The following KLHL29 variants were observed in gnomAD, a reference collection of about 807,000 sequenced individuals.
The protein encoded by KLHL29 is kelch like family member 29.
In KLHL29, 21 loss-of-function variants were observed where a neutral mutation model predicts 80.4. The observed-to-expected ratio is 0.26, with a 90% CI of 0.19 to 0.38. The LOEUF (loss-of-function observed/expected upper bound fraction) is 0.38, where lower values mean the gene tolerates loss of function less well. Among genes scored for constraint, KLHL29 ranks in the 10% least tolerant of loss-of-function variants. The pLI is 1.00. For synonymous variants in KLHL29, 511 were observed against 526.8 expected, an observed-to-expected ratio of 0.97 and a Z score of 0.41; for missense variants, 867 against 1,223.9, an observed-to-expected ratio of 0.71 and a Z score of 4.35.
At position 23,558,453 on chromosome 2, in the gene KLHL29, G is replaced by A. The variant is rs567299999; in HGVS notation, c.-45-3699G>A. On this transcript the variant is annotated intron_variant, in intron 2 of 13. Transcript: ENST00000486442. ...GTCTCACTCTGTCACCCAGGCTGGC[G>A]TGCAGTGGCACGATCTCGGCTTACT... 5.0e-5 allele frequency among the ~76,000 whole-genome samples: 7 copies of A among 139,768 alleles called. 1 individual carries two copies. The South Asian group carries it at 6.7e-4, about 13-fold the overall frequency. 91.7% of individuals were successfully genotyped at this position (139,768 alleles called of 152,430 possible).
Position 23,469,864 on chromosome 2 carries a change from T to C in KLHL29, c.-153-5696T>C, listed in dbSNP as rs1664447647. ...CTTCTTTTTCTTCATCTTGTGGAAA[T>C]GCAAGGGTCATTCCGGTTCTGCTTC... is the stretch of plus-strand genomic sequence containing the variant. On this transcript the variant is annotated intron_variant, in intron 1 of 13. Transcript: ENST00000486442. Among the ~76,000 whole-genome samples, 3 of 152,000 alleles carry C rather than the reference T, an allele frequency of 2.0e-5. No individual in the cohort carries two copies. The South Asian group carries it at 6.2e-4, about 32-fold the overall frequency.
intron 5 of KLHL29, among the ~76,000 whole-genome samples, chr2:23,645,456 T>G (rs1028675004): frequency 6.6e-6 from 1 of 151,864 alleles, no homozygotes; most frequent in Non-Finnish European, 1.5e-5. Flanking sequence ...GAACTCCACT[T>G]TAGAAAAAAA....
chr2:23,530,486 G>A (rs1572381665), intron 2 of KLHL29, among the ~76,000 whole-genome samples: 1 of 152,306 alleles, frequency 6.6e-6, no homozygotes, highest in East Asian at 1.9e-4. Flanking sequence ...CCCTCCCCCA[G>A]CTGTACTGTT....
At chr2:23,677,307 G>A (rs1342079962) in intron 5 of KLHL29, among the ~76,000 whole-genome samples, 1 of 152,204 alleles carries the variant, frequency 6.6e-6, no homozygotes, top group Non-Finnish European at 1.5e-5. Flanking sequence ...GGAAACAGCA[G>A]GCTAGTGGGT....
At chr2:23,597,341 GTGTGTA>G (rs1242068840) in intron 3 of KLHL29, among the ~76,000 whole-genome samples, 32 of 133,780 alleles carry the variant, frequency 2.4e-4, no homozygotes, top group African/African-American at 9.5e-4. Flanking sequence ...GTGTGTGTGT[GTGTGTA>G]TGTATATGTG....
intron 1 of KLHL29, among the ~76,000 whole-genome samples, chr2:23,440,351 A>G (rs1030812547): frequency 6.6e-6 from 1 of 151,724 alleles, no homozygotes; most frequent in Non-Finnish European, 1.5e-5. Flanking sequence ...AGACTTAAAC[A>G]TTAGACCTAA....
intron 1 of KLHL29, among the ~76,000 whole-genome samples, chr2:23,462,405 A>G (rs1329415079): frequency 6.6e-6 from 1 of 152,158 alleles, no homozygotes; most frequent in Non-Finnish European, 1.5e-5. Flanking sequence ...GTGAGTTCAC[A>G]GCCCCAAATG....
intron 2 of KLHL29, among the ~76,000 whole-genome samples, chr2:23,494,811 T>C (rs535474003): frequency 6.6e-6 from 1 of 152,326 alleles, no homozygotes; most frequent in South Asian, 2.1e-4. Flanking sequence ...CTCCCTGCTT[T>C]CCGGGCTCCT....
chr2:23,461,865 C>T (rs1260241467), intron 1 of KLHL29, among the ~76,000 whole-genome samples: 1 of 151,788 alleles, frequency 6.6e-6, no homozygotes, highest in African/African-American at 2.4e-5. Flanking sequence ...GCATTAGGAG[C>T]CCTAATGAGA....
intron 2 of KLHL29, among the ~76,000 whole-genome samples, chr2:23,478,006 G>C (rs1450446727): frequency 6.6e-6 from 1 of 152,120 alleles, no homozygotes; most frequent in South Asian, 2.1e-4. Flanking sequence ...CTTTAGGATG[G>C]GGAGGGACTT....
At chr2:23,428,104 A>T (rs1663055074) in intron 1 of KLHL29, among the ~76,000 whole-genome samples, 1 of 152,230 alleles carries the variant, frequency 6.6e-6, no homozygotes, top group African/African-American at 2.4e-5. Context: ...ATCACTGCTA[A>T]CGGATTAATG....
intron 2 of KLHL29, among the ~76,000 whole-genome samples, chr2:23,558,461 G>C (rs998378864): frequency 2.6e-5 from 4 of 151,364 alleles, no homozygotes; most frequent in African/African-American, 9.7e-5. Flanking sequence ...GCGTGCAGTG[G>C]CACGATCTCG....
At chr2:23,690,051 G>GC (rs1336871870) in intron 6 of KLHL29, 1 of 152,274 alleles carries the variant, frequency 6.6e-6, no homozygotes. Context: ...TGTGGGGAGG[G>GC]CCTACTGTGG....
chr2:23,405,497 G>A (rs1289046445), intron 1 of KLHL29, among the ~76,000 whole-genome samples: 1 of 152,186 alleles, frequency 6.6e-6, no homozygotes, highest in African/African-American at 2.4e-5. Context: ...CATTATCTGA[G>A]GTTTTCTCCT....
At chr2:23,574,044 A>C (rs931462502) in intron 3 of KLHL29, among the ~76,000 whole-genome samples, 1 of 151,960 alleles carries the variant, frequency 6.6e-6, no homozygotes, top group African/African-American at 2.4e-5. Flanking sequence ...TTCTTGGTGG[A>C]TTTGAACCTG....
intron 1 of KLHL29, among the ~76,000 whole-genome samples, chr2:23,425,971 A>G (rs1431076528): frequency 6.6e-6 from 1 of 152,154 alleles, no homozygotes; most frequent in Non-Finnish European, 1.5e-5. Context: ...CCAGGCTCCC[A>G]TGTGTGCATT....
chr2:23,421,889 G>A (rs1280895287), intron 1 of KLHL29, among the ~76,000 whole-genome samples: 1 of 151,974 alleles, frequency 6.6e-6, no homozygotes, highest in African/African-American at 2.4e-5. Flanking sequence ...GTGTGTATCT[G>A]TGTGTCTGTG....
intron 1 of KLHL29, among the ~76,000 whole-genome samples, chr2:23,461,377 A>G (rs1664205501): frequency 6.6e-6 from 1 of 152,220 alleles, no homozygotes; most frequent in African/African-American, 2.4e-5. Context: ...TTGAGCAGCC[A>G]CAGGATCTCA....
chr2:23,463,688 A>AAACACAAGGAGCCGT (rs1664276976), intron 1 of KLHL29, among the ~76,000 whole-genome samples: 1 of 152,178 alleles, frequency 6.6e-6, no homozygotes, highest in Non-Finnish European at 1.5e-5. Flanking sequence ...ACCACTTTCC[A>AAACACAAGGAGCCGT]AACACAAGGA....
Sources: allele counts gnomAD v4.1 joint callset (sites outside exome capture counted in the v4.1 genomes callset), GRCh38; gene constraint gnomAD v4.1.1; transcripts MANE v1.5; gene names NCBI Gene and HGNC (gene_info 2026-07-23, HGNC 2026-07-21).